The following ADGRE3 variants were observed in gnomAD, a reference collection of about 807,000 sequenced individuals.
ADGRE3 encodes the protein EGF-like module receptor 3.
A neutral mutation model predicts 80.1 loss-of-function variants in ADGRE3; 88 were observed. The ratio of observed to expected loss-of-function variants is 1.10; its 90% confidence interval spans 0.93 to 1.31. ADGRE3 has a LOEUF of 1.31. Ranked by LOEUF, ADGRE3 falls within the 40% of genes most tolerant of loss-of-function variation. The pLI is 0.00. For missense variants in ADGRE3, 715 were observed against 776.5 expected, an observed-to-expected ratio of 0.92 and a Z score of 0.94; for synonymous variants, 281 against 294.8, an observed-to-expected ratio of 0.95 and a Z score of 0.48.
chr19:14,641,109 C>T (rs545759805), intron 10 of ADGRE3, among the ~76,000 whole-genome samples: 2 of 152,240 alleles, frequency 1.3e-5, no homozygotes, highest in South Asian at 4.1e-4. Context: ...TTCCCTTCTT[C>T]AAAAATTCAT....
At chr19:14,674,268 G>A (rs747507834) in intron 1 of ADGRE3, among the ~76,000 whole-genome samples, 1 of 151,952 alleles carries the variant, frequency 6.6e-6, no homozygotes, top group Non-Finnish European at 1.5e-5. Flanking sequence ...AGGCTGAGGC[G>A]GGTGGATCAC....
At chr19:14,601,816 G>A in the ADGRE3 span, among the ~76,000 whole-genome samples, 4 of 151,942 alleles carry the variant, frequency 2.6e-5, no homozygotes, top group African/African-American at 9.7e-5. Context: ...TTTTTGAGAT[G>A]GAGTCTCGCT....
At chr19:14,661,853 C>G in intron 4 of ADGRE3, 110 bp downstream of exon 4, 1 of 1,242,556 alleles carries the variant, frequency 8.0e-7, no homozygotes. Flanking sequence ...CCACTGCACT[C>G]CAGCCTGGGC....
downstream of ADGRE3, among the ~76,000 whole-genome samples, chr19:14,616,075 G>T (rs913107741): frequency 6.6e-5 from 10 of 151,604 alleles, no homozygotes; most frequent in African/African-American, 2.4e-4. Context: ...GGGACTACAG[G>T]CCTATGCCAC....
chr19:14,657,406 A>C (rs1055108546), intron 5 of ADGRE3, among the ~76,000 whole-genome samples: 1 of 151,986 alleles, frequency 6.6e-6, no homozygotes, highest in Admixed American at 6.6e-5. Flanking sequence ...AGCAGGCCTT[A>C]ATATACTCTC....
intron 15 of ADGRE3, among the ~76,000 whole-genome samples, chr19:14,624,895 G>A (rs943172453): frequency 6.6e-6 from 1 of 152,122 alleles, no homozygotes; most frequent in African/African-American, 2.4e-5. Flanking sequence ...CACAGGGAGG[G>A]GAACAACACT....
downstream of ADGRE3, among the ~76,000 whole-genome samples, chr19:14,617,378 C>CTTTCTTTCTTTCTTTCTTTCTTTCTT: frequency 1.2e-5 from 1 of 81,244 alleles, no homozygotes; most frequent in Non-Finnish European, 2.4e-5. Flanking sequence ...TTCTTTCTTC[C>CTTTCTTTCTTTCTTTCTTTCTTTCTT]TTTCTTTCTT....
chr19:14,608,800 A>ATT, the ADGRE3 span, among the ~76,000 whole-genome samples: 57 of 131,360 alleles, frequency 4.3e-4, no homozygotes, highest in South Asian at 5.3e-3. Flanking sequence ...TGCCTGGCTA[A>ATT]TTTTTTTTTT....
At chr19:14,639,575 T>G (rs1314926423) in intron 10 of ADGRE3, among the ~76,000 whole-genome samples, 1 of 152,036 alleles carries the variant, frequency 6.6e-6, no homozygotes, top group African/African-American at 2.4e-5. Context: ...CAGCTAATTT[T>G]GTTATTTTTT....
At chr19:14,668,637 T>A (rs1055623007) in intron 2 of ADGRE3, 165 bp downstream of exon 2, 14 of 575,910 alleles carry the variant, frequency 2.4e-5, no homozygotes, top group Non-Finnish European at 4.4e-5. Flanking sequence ...CTATCCATAT[T>A]TGATATAATG....
At chr19:14,615,009 C>T (rs1426512554), downstream of ADGRE3, among the ~76,000 whole-genome samples, 1 of 151,772 alleles carries the variant, frequency 6.6e-6, no homozygotes, top group African/African-American at 2.4e-5. Flanking sequence ...CCTCAGCCTC[C>T]CAAGTAGCTG....
chr19:14,628,724 GA>G (rs1355078484), intron 14 of ADGRE3: 3 of 385,630 alleles, frequency 7.8e-6, no homozygotes, highest in Non-Finnish European at 1.5e-5. Flanking sequence ...ATGGATCTAT[GA>G]GTTTGCCCCT....
chr19:14,645,614 G>A (rs961817304), intron 8 of ADGRE3, among the ~76,000 whole-genome samples: 1 of 151,248 alleles, frequency 6.6e-6, no homozygotes, highest in Non-Finnish European at 1.5e-5. Context: ...AGCTGAGATC[G>A]CACCACTGTA....
At chr19:14,644,390 G>C in intron 8 of ADGRE3, 115 bp from the exon 9 acceptor site, 1 of 662,748 alleles carries the variant, frequency 1.5e-6, no homozygotes, top group Non-Finnish European at 2.4e-6. Context: ...GCTCAATCTC[G>C]GCTCACTGCA....
chr19:14,642,130 G>T lies in ADGRE3; in HGVS notation c.1051-514C>A, dbSNP rs539914401. ...GATGGATGGTGGTTGATGATTGCAC[G>T]ATATGATTGTACTTTACTGAACTGT... On this transcript the variant is annotated intron_variant, in intron 9 of 15. Transcript: ENST00000253673. Among the ~76,000 whole-genome samples, 7 of 152,230 alleles carry T rather than the reference G, an allele frequency of 4.6e-5. No individual in the cohort carries two copies. In the East Asian group the frequency reaches 1.4e-3, roughly 29 times the overall value.
At chr19:14,665,055 ATTTTTTT>A (rs916325882) in intron 2 of ADGRE3, among the ~76,000 whole-genome samples, 15 of 89,820 alleles carry the variant, frequency 1.7e-4, no homozygotes, top group East Asian at 9.1e-4. Context: ...GAGCAACCTC[ATTTTTTT>A]TTTTTTTTTT....
chr19:14,669,535 C>T (rs374550562), intron 1 of ADGRE3, among the ~76,000 whole-genome samples: 11 of 151,976 alleles, frequency 7.2e-5, no homozygotes, highest in East Asian at 5.8e-4. Context: ...GTCACTCAGG[C>T]GGGAGTGCAG....
intron 11 of ADGRE3, 40 bp from the exon 12 acceptor site, chr19:14,633,342 G>A (rs924661994): frequency 2.1e-6 from 3 of 1,456,478 alleles, no homozygotes; most frequent in Non-Finnish European, 2.9e-6. Flanking sequence ...AGAGATCAGA[G>A]AAAGTGCGTG....
intron 15 of ADGRE3, among the ~76,000 whole-genome samples, chr19:14,620,945 T>C (rs1255293575): frequency 1.3e-5 from 2 of 152,140 alleles, no homozygotes; most frequent in East Asian, 3.9e-4. Context: ...TTTTGGATTA[T>C]CTGGGAAACC....
Sources: gnomAD v4.1 joint callset for allele counts (sites outside exome capture counted in the v4.1 genomes callset) on GRCh38, gnomAD v4.1.1 for gene constraint, MANE v1.5 for transcripts, NCBI Gene and HGNC (gene_info 2026-07-23, HGNC 2026-07-21) for gene names.